Variants in EPHA6 observed in about 807,000 individuals in gnomAD.
EPHA6 encodes ephrin type-A receptor 6.
Under a neutral mutation model 112.0 loss-of-function variants are expected in EPHA6, and 50 were observed. The observed-to-expected ratio is 0.45, with a 90% CI of 0.36 to 0.56. The LOEUF is 0.56. Ranked by LOEUF, EPHA6 falls within the 20% of genes least tolerant of loss-of-function variation. The pLI, the probability that EPHA6 is intolerant of heterozygous loss-of-function variation, is 0.00. For synonymous variants in EPHA6, 529 were observed against 490.7 expected (o/e 1.08, Z -1.03); for missense variants, 1,280 against 1,417.4 (o/e 0.90, Z 1.56).
intron 11 of EPHA6, among the ~76,000 whole-genome samples, chr3:97,535,670 C>G (rs1233258864): frequency 1.3e-5 from 2 of 152,016 alleles, no homozygotes; most frequent in African/African-American, 4.8e-5. Context: ...CAAAGGACTA[C>G]CCATTGCATA....
intron 3 of EPHA6, among the ~76,000 whole-genome samples, chr3:97,216,971 A>T (rs1559804681): frequency 2.6e-5 from 4 of 152,176 alleles, no homozygotes; most frequent in South Asian, 4.1e-4. Flanking sequence ...TGAGATAAGA[A>T]AACTCATTTA....
chr3:96,827,990 C>T (rs1250570565), intron 1 of EPHA6, among the ~76,000 whole-genome samples: 13 of 152,080 alleles, frequency 8.5e-5, no homozygotes, highest in East Asian at 3.9e-4. Flanking sequence ...TGTTCTATTT[C>T]GGGTTGTCTT....
intron 5 of EPHA6, among the ~76,000 whole-genome samples, chr3:97,247,594 G>A (rs191253632): frequency 2.0e-5 from 3 of 152,014 alleles, no homozygotes; most frequent in East Asian, 3.9e-4. Context: ...TGAGTAGAAG[G>A]AACCAGGCAA....
intron 3 of EPHA6, among the ~76,000 whole-genome samples, chr3:97,210,565 A>G (rs922597354): frequency 6.6e-6 from 1 of 152,158 alleles, no homozygotes; most frequent in African/African-American, 2.4e-5. Context: ...GATTCACTCC[A>G]TCACTTCCCT....
At chr3:97,067,041 C>CA (rs2046200611) in intron 3 of EPHA6, among the ~76,000 whole-genome samples, 1 of 151,972 alleles carries the variant, frequency 6.6e-6, no homozygotes, top group Non-Finnish European at 1.5e-5. Context: ...TAATGTGGTT[C>CA]ACCAGATAGA....
In EPHA6 at chr3:97,754,684, A is replaced by C. The variant is rs1269490805; in HGVS notation, c.*5983A>C. On this transcript the variant is annotated 3_prime_UTR_variant, in exon 18 of 18. Coordinates refer to ENST00000389672, the MANE Select transcript of EPHA6 (RefSeq NM_001080448.3). ...ATTTTTGCACTGTCCCATTGAAAGC[A>C]AAGTTTCCTTTATTTATTTATTTAT... Among the ~76,000 whole-genome samples, 1 of 152,192 alleles carries C rather than the reference A, an allele frequency of 6.6e-6. No individual in the cohort carries two copies. Among genetic ancestry groups the C allele is most frequent in the Non-Finnish European group, 1.5e-5 (1 of 68,008 alleles).
intron 2 of EPHA6, among the ~76,000 whole-genome samples, chr3:96,960,522 C>A (rs1278593613): frequency 1.3e-5 from 2 of 152,136 alleles, no homozygotes; most frequent in Non-Finnish European, 2.9e-5. Flanking sequence ...ATTTTATAAG[C>A]AGATCCTACC....
intron 3 of EPHA6, among the ~76,000 whole-genome samples, chr3:97,143,624 A>G (rs1400756274): frequency 1.3e-5 from 2 of 151,754 alleles, no homozygotes; most frequent in Non-Finnish European, 3.0e-5. Flanking sequence ...TAGTAAAGTA[A>G]TTGTTTCCAT....
chr3:97,508,588 AT>A (rs1187888549), intron 10 of EPHA6, among the ~76,000 whole-genome samples: 2 of 152,096 alleles, frequency 1.3e-5, no homozygotes, highest in African/African-American at 4.8e-5. Context: ...TATGTGGTCA[AT>A]TTTAGAGTAA....
At position 97,383,447 on chromosome 3, in the gene EPHA6, A is replaced by T. The variant is rs1043873408; in HGVS notation, c.1607-21703A>T. 2.6e-5 allele frequency among the ~76,000 whole-genome samples: 4 copies of T among 152,238 alleles called. No homozygotes were observed. In the East Asian group the frequency reaches 5.8e-4, roughly 22 times the overall value. On this transcript the variant is annotated intron_variant, in intron 5 of 17. Coordinates refer to ENST00000389672, the MANE Select transcript of EPHA6 (RefSeq NM_001080448.3). ...AATATTCATTGAAAACATGCCCTGA[A>T]AACGAAATTCCAGCTTATTGGCATG...
chr3:97,124,280 G>A (rs1361358506), intron 3 of EPHA6, among the ~76,000 whole-genome samples: 1 of 151,702 alleles, frequency 6.6e-6, no homozygotes. Flanking sequence ...ATGCGTTTCA[G>A]TATTAATCTG....
Position 97,749,209 on chromosome 3 carries a change from G to T in EPHA6, c.*508G>T, listed in dbSNP as rs1488883925. ...TTATTTTTTAATACTTTAACTGTTG[G>T]TGCCTGATATTGTTAGAATTATTTG... On this transcript the variant is annotated 3_prime_UTR_variant, in exon 18 of 18. Coordinates refer to ENST00000389672, the MANE Select transcript of EPHA6 (RefSeq NM_001080448.3). 5.0e-5 allele frequency: 11 copies of T among 220,688 alleles called. No homozygotes were observed. Among genetic ancestry groups the T allele is most frequent in the Non-Finnish European group, 3.6e-5 (4 of 110,386 alleles). 13.7% of individuals were successfully genotyped at this position (220,688 alleles called of 1,614,324 possible). A position where few individuals can be genotyped will look rare whatever the true frequency, so the allele number is the denominator to read the frequency against.
At chr3:97,559,818 A>T (rs2093164209) in intron 11 of EPHA6, among the ~76,000 whole-genome samples, 1 of 151,988 alleles carries the variant, frequency 6.6e-6, no homozygotes, top group South Asian at 2.1e-4. Flanking sequence ...TCATTAAGGG[A>T]TGCAGCTCTA....
intron 3 of EPHA6, among the ~76,000 whole-genome samples, chr3:97,165,790 G>T (rs1257506895): frequency 2.6e-5 from 4 of 152,138 alleles, no homozygotes; most frequent in African/African-American, 9.7e-5. Context: ...GGAAGTAGAA[G>T]TAAATAAATT....
intron 3 of EPHA6, among the ~76,000 whole-genome samples, chr3:97,056,552 A>G (rs1214648055): frequency 6.6e-6 from 1 of 152,132 alleles, no homozygotes; most frequent in African/African-American, 2.4e-5. Flanking sequence ...TCTTGGCCTC[A>G]TGTACTGTAT....
intron 3 of EPHA6, among the ~76,000 whole-genome samples, chr3:97,029,408 A>G (rs914041417): frequency 1.1e-4 from 16 of 151,944 alleles, no homozygotes; most frequent in Admixed American, 9.8e-4. Context: ...AAATGAGGAA[A>G]AGGCCTAAAA....
intron 13 of EPHA6, among the ~76,000 whole-genome samples, chr3:97,627,134 C>T (rs2093864485): frequency 6.6e-6 from 1 of 151,862 alleles, no homozygotes; most frequent in African/African-American, 2.4e-5. Context: ...AGTTAGGTGG[C>T]TTGCCCAATG....
intron 3 of EPHA6, among the ~76,000 whole-genome samples, chr3:97,014,157 A>C (rs915669017): frequency 6.6e-6 from 1 of 152,182 alleles, no homozygotes; most frequent in Non-Finnish European, 1.5e-5. Flanking sequence ...AGAGATAAAC[A>C]GATAGAGAAA....
chr3:97,599,742 T>C (rs1368880663), intron 12 of EPHA6, among the ~76,000 whole-genome samples: 8 of 152,144 alleles, frequency 5.3e-5, no homozygotes, highest in Admixed American at 2.6e-4. Flanking sequence ...ATTGACTTGG[T>C]GATGCGGGCT....
Sources: allele counts gnomAD v4.1 joint callset (sites outside exome capture counted in the v4.1 genomes callset), GRCh38; gene constraint gnomAD v4.1.1; transcripts MANE v1.5; gene names NCBI Gene and HGNC (gene_info 2026-07-23, HGNC 2026-07-21).